Variants in SPTBN1 observed in about 807,000 individuals in gnomAD.
SPTBN1 encodes spectrin beta chain, non-erythrocytic 1.
Under a neutral mutation model 266.4 loss-of-function variants are expected in SPTBN1, and 32 were observed. The ratio of observed to expected loss-of-function variants is 0.12; its 90% CI spans 0.09 to 0.16. The LOEUF is 0.16. Among genes scored for constraint, SPTBN1 ranks in the 10% least tolerant of loss-of-function variants. The pLI is 1.00. For missense variants in SPTBN1, 2,296 were observed against 3,067.1 expected, an observed-to-expected ratio of 0.75 and a Z score of 5.94; for synonymous variants, 1,336 against 1,162.2, an observed-to-expected ratio of 1.15 and a Z score of -3.04.
At chr2:54,616,979 A>G (rs1262568617) in intron 5 of SPTBN1, among the ~76,000 whole-genome samples, 2 of 152,226 alleles carry the variant, frequency 1.3e-5, no homozygotes, top group African/African-American at 4.8e-5. Flanking sequence ...CTGAAAAGTC[A>G]TCATGTCTAT....
rs1558464347 is a variant in SPTBN1 at position 54,645,495 on chromosome 2, C to A, written c.4494+42C>A. On this transcript the variant is annotated intron_variant, in intron 21 of 35. Transcript: ENST00000356805. The surrounding 1 kb of genome is among the most constrained non-coding windows in gnomAD (Gnocchi z 4.3). ...TGCACACATGGCTTTTCCACGAGCCCCCTTGCCTGTGCTAAAGCCCACATT... is the reference window on the plus strand; with the variant it reads ...TGCACACATGGCTTTTCCACGAGCCACCTTGCCTGTGCTAAAGCCCACATT... 6.3e-7 allele frequency: 1 copy of A among 1,595,058 alleles called. No individual in the cohort carries two copies. The highest frequency in any genetic ancestry group is 1.3e-5 in the African/African-American group (1 of 74,466).
intron 2 of SPTBN1, among the ~76,000 whole-genome samples, chr2:54,547,379 G>A (rs1419768727): frequency 6.6e-6 from 1 of 152,144 alleles, no homozygotes; most frequent in Non-Finnish European, 1.5e-5. Context: ...GGACATTAGA[G>A]TTTTCACCTC....
chr2:54,571,687 A>G (rs1558854310), intron 2 of SPTBN1, among the ~76,000 whole-genome samples: 1 of 121,346 alleles, frequency 8.2e-6, no homozygotes, highest in African/African-American at 2.6e-5. Context: ...TCCCAGGAGG[A>G]TAGTGTGTTA....
Position 54,625,801 on chromosome 2 carries a change from G to T in SPTBN1, c.1342-131G>T, listed in dbSNP as rs927702736. On this transcript the variant is annotated intron_variant, in intron 11 of 35. Coordinates refer to ENST00000356805, the MANE Select transcript of SPTBN1 (RefSeq NM_003128.3). ...AGACAGGGTTTCACAATGTTGGCCA[G>T]GCTAGTCTCGAACTCCTGACCTCAA... The T allele has an allele frequency of 2.5e-5, 24 of 968,196 alleles. No homozygotes were observed. In the Admixed American group the frequency reaches 6.4e-4, roughly 26 times the overall value. The allele number at this position is 968,196 out of a possible 1,614,324, so 60.0% of individuals were successfully genotyped here. A position where few individuals can be genotyped will look rare whatever the true frequency, so the allele number is the denominator to read the frequency against.
chr2:54,463,532 CT>C (rs951366155), intron 1 of SPTBN1, among the ~76,000 whole-genome samples: 1 of 152,226 alleles, frequency 6.6e-6, no homozygotes, highest in African/African-American at 2.4e-5. Context: ...GCTAAGTGAC[CT>C]TGGGCAAACT....
intron 2 of SPTBN1, among the ~76,000 whole-genome samples, chr2:54,550,089 A>G (rs1055183475): frequency 2.0e-5 from 3 of 152,202 alleles, no homozygotes; most frequent in African/African-American, 7.2e-5. Flanking sequence ...CCTGCCAGAA[A>G]TTACCTGGTT....
chr2:54,632,797 C>A (rs188773327), intron 17 of SPTBN1, 29 bp downstream of exon 17: 1 of 1,609,076 alleles, frequency 6.2e-7, no homozygotes, highest in South Asian at 1.1e-5. Context: ...CTTAAGGGAG[C>A]CTTGCACCTT....
chr2:54,592,606 A>G (rs183476238), intron 2 of SPTBN1, among the ~76,000 whole-genome samples: 1 of 152,314 alleles, frequency 6.6e-6, no homozygotes, highest in East Asian at 1.9e-4. Flanking sequence ...ACTGGTCTCA[A>G]ACTACTTCTG....
At chr2:54,654,375 T>G (rs1680509645) in intron 27 of SPTBN1, among the ~76,000 whole-genome samples, 1 of 152,226 alleles carries the variant, frequency 6.6e-6, no homozygotes, top group African/African-American at 2.4e-5. Context: ...TGGCTTTGTT[T>G]CATGCAAATT....
chr2:54,494,874 G>T (rs1433559099), intron 1 of SPTBN1, among the ~76,000 whole-genome samples: 1 of 151,462 alleles, frequency 6.6e-6, no homozygotes, highest in African/African-American at 2.4e-5. Context: ...TGTGTAATAT[G>T]CACATTGTAT....
chr2:54,526,513 A>G lies in SPTBN1; in HGVS notation c.95A>G (p.Asn32Ser). Residue 32 changes from asparagine to serine, a missense_variant, in exon 2 of 36, where the codon AAT (asparagine) becomes AGT (serine). Transcript: ENST00000356805. ...NNRWDVDDWD[N>S]ENSSARLFER... ...CGCTGGGATGTCGACGACTGGGACA[A>G]TGAGAACAGCTCTGCGCGGCTTTTT... 1 of 1,614,216 alleles carries G rather than the reference A, an allele frequency of 6.2e-7. No individual in the cohort carries two copies. The highest frequency in any genetic ancestry group is 8.5e-7 in the Non-Finnish European group (1 of 1,180,044).
At chr2:54,637,894 T>C in intron 18 of SPTBN1, 91 bp downstream of exon 18, 1 of 1,120,662 alleles carries the variant, frequency 8.9e-7, no homozygotes, top group Non-Finnish European at 1.3e-6. Context: ...AATTATAAAA[T>C]TAATGAAACC....
At position 54,577,075 on chromosome 2, in the gene SPTBN1, C is replaced by A. The variant is rs551081367; in HGVS notation, c.149-22017C>A. On this transcript the variant is annotated intron_variant, in intron 2 of 35. Transcript: ENST00000356805. ...GCAAGTTTTTTTTCCCCTTCCATTTCATTTGTTAATGCTTATTATTAGTTG... is the reference window on the plus strand; with the variant it reads ...GCAAGTTTTTTTTCCCCTTCCATTTAATTTGTTAATGCTTATTATTAGTTG... Among the ~76,000 whole-genome samples the A allele has an allele frequency of 7.9e-5, 12 of 152,196 alleles. No homozygotes were observed. The South Asian group carries it at 2.5e-3, about 32-fold the overall frequency.
At chr2:54,494,473 C>G (rs1340534765) in intron 1 of SPTBN1, among the ~76,000 whole-genome samples, 1 of 152,064 alleles carries the variant, frequency 6.6e-6, no homozygotes, top group Non-Finnish European at 1.5e-5. Context: ...TGTAGTAACC[C>G]CAAACTGGAA....
chr2:54,666,135 C>T (rs748140782), intron 34 of SPTBN1, 47 bp downstream of exon 34: 2 of 1,559,322 alleles, frequency 1.3e-6, no homozygotes, highest in Non-Finnish European at 8.7e-7. Context: ...TTTGCATTTA[C>T]TTCCACTCTG....
chr2:54,608,239 G>A (rs1342414094), intron 3 of SPTBN1, among the ~76,000 whole-genome samples: 1 of 152,180 alleles, frequency 6.6e-6, no homozygotes, highest in Non-Finnish European at 1.5e-5. Context: ...CTCTTAGGAA[G>A]CGAACAGTCT....
chr2:54,484,770 T>TGTG (rs35400643), intron 1 of SPTBN1, among the ~76,000 whole-genome samples: 112,965 of 151,818 alleles, frequency 0.74, 42,922 homozygotes, highest in African/African-American at 0.92. Context: ...GTGGGGTGGT[T>TGTG]GTGTCGGAGA....
intron 27 of SPTBN1, 145 bp from the exon 28 acceptor site, chr2:54,654,925 A>G (rs1024916293): frequency 8.5e-5 from 101 of 1,185,556 alleles, no homozygotes; most frequent in Non-Finnish European, 1.1e-4. Context: ...GGCCCAGCCT[A>G]AGCTCAGGGA....
At chr2:54,462,823 C>A (rs1189681945) in intron 1 of SPTBN1, among the ~76,000 whole-genome samples, 1 of 152,204 alleles carries the variant, frequency 6.6e-6, no homozygotes, top group Non-Finnish European at 1.5e-5. Flanking sequence ...ATGGCACATG[C>A]CATCACTCGC....
Sources: allele counts gnomAD v4.1 joint callset (sites outside exome capture counted in the v4.1 genomes callset), GRCh38; gene constraint gnomAD v4.1.1; non-coding constraint Gnocchi (gnomAD v3.1); transcripts MANE v1.5; gene names NCBI Gene and HGNC (gene_info 2026-07-23, HGNC 2026-07-21).